HTR3C: variants seen among roughly 807,000 people sequenced by gnomAD.
HTR3C encodes the protein 5-hydroxytryptamine receptor 3C.
Under a neutral mutation model 40.5 loss-of-function variants are expected in HTR3C, and 32 were observed. That is an observed-to-expected ratio of 0.79 (90% CI 0.60 to 1.06). HTR3C has a LOEUF of 1.06. Among genes scored for constraint, HTR3C ranks in the 50% least tolerant of loss-of-function variants. The probability of loss-of-function intolerance (pLI) is 0.00; values close to 1 mark genes in which losing one functional copy is unlikely to be tolerated. For synonymous variants in HTR3C, 209 were observed against 217.1 expected (o/e 0.96, Z 0.33); for missense variants, 523 against 556.8 (o/e 0.94, Z 0.61).
At position 184,060,501 on chromosome 3, in the gene HTR3C, A is replaced by G. The variant is rs1723426574; in HGVS notation, c.*149A>G. ...CAAAGACTCCAACGCAGCACTAGCA[A>G]GCAGGTTCGGGACAGCCCTGGACGA... On this transcript the variant is annotated 3_prime_UTR_variant, in exon 9 of 9. Coordinates refer to ENST00000318351, the MANE Select transcript of HTR3C (RefSeq NM_130770.3). The G allele has an allele frequency of 2.0e-6, 2 of 1,015,414 alleles. No individual in the cohort carries two copies. The highest frequency in any genetic ancestry group is 2.0e-5 in the Admixed American group (1 of 48,806). The allele number at this position is 1,015,414 out of a possible 1,614,324, so 62.9% of individuals were successfully genotyped here.
At chr3:184,058,234 A>G (rs7638896) in intron 5 of HTR3C, among the ~76,000 whole-genome samples, 193 bp from the exon 6 acceptor site, 7,272 of 152,256 alleles carry the variant, frequency 0.048, 584 homozygotes, top group African/African-American at 0.16. Flanking sequence ...TTCAACAACA[A>G]AAGAAATTAA....
chr3:184,058,237 G>T (rs1723369146), intron 5 of HTR3C, among the ~76,000 whole-genome samples, 190 bp from the exon 6 acceptor site: 1 of 152,154 alleles, frequency 6.6e-6, no homozygotes. Flanking sequence ...AACAACAAAA[G>T]AAATTAATGC....
intron 4 of HTR3C, 83 bp downstream of exon 4, chr3:184,056,369 G>T: frequency 1.1e-6 from 1 of 870,670 alleles, no homozygotes; most frequent in Non-Finnish European, 1.9e-6. Context: ...TGGGGCCACC[G>T]AAAGATTCAG....
rs139495425 is a variant in HTR3C, at chr3:184,059,937, G to C, written c.1035G>C (p.Arg345Ser). The C allele has an allele frequency of 1.8e-5, 29 of 1,613,730 alleles. No homozygotes were observed. The East Asian group carries it at 2.7e-4, about 15-fold the overall frequency. ...CCACCCAGCCCCCACCCATGCCTAG[G>C]TGGCTTCACTCCCTGCTGCTCCACT... Reference protein sequence around the residue: ...VATTQPPPMPRWLHSLLLHCT... With the variant: ...VATTQPPPMPSWLHSLLLHCT... The change falls in exon 8 of 9, where the codon AGG becomes AGC. Residue 345 changes from arginine (R) to serine (S), a missense_variant. Arg to Ser is a moderately radical substitution (Grantham distance 110). Transcript: ENST00000318351.
intron 3 of HTR3C, 23 bp from the exon 4 acceptor site, chr3:184,056,154 T>TGTCC: frequency 6.7e-7 from 1 of 1,492,304 alleles, no homozygotes; most frequent in Admixed American, 1.7e-5. Context: ...CACTCACCTC[T>TGTCC]GTCCCTCACT....
chr3:184,059,692 G>T, intron 7 of HTR3C, 52 bp downstream of exon 7: 3 of 1,603,698 alleles, frequency 1.9e-6, no homozygotes, highest in Non-Finnish European at 2.6e-6. Context: ...GGCCAGGGAG[G>T]AGGGCCAGGA....
rs1394232956 is a variant in HTR3C, at chr3:184,059,628, AC to A, written c.919del (p.Leu307SerfsTer12). The part of the protein sequence containing the change: ...MMNDLLPASG[T>X]PLISVYFALC... ...GAATGACTTGCTCCCTGCCAGTGGC[AC>A]CCCCCTCATCAGTATGGCTCCTCCC... On this transcript the variant is annotated frameshift_variant, in exon 7 of 9. Coordinates refer to ENST00000318351, the MANE Select transcript of HTR3C (RefSeq NM_130770.3). LOFTEE classifies it high-confidence loss of function. The A allele has an allele frequency of 1.2e-6, 2 of 1,613,662 alleles. No homozygotes were observed. Among genetic ancestry groups the A allele is most frequent in the Non-Finnish European group, 1.7e-6 (2 of 1,179,922 alleles).
Position 184,056,969 on chromosome 3 carries a change from T to C in HTR3C, c.484T>C (p.Cys162Arg). The change falls in exon 5 of 9, where the codon TGT (cysteine) becomes CGT (arginine). Residue 162 changes from cysteine to arginine, a missense_variant. Cys to Arg is a radical substitution (Grantham distance 180, BLOSUM62 -3). Transcript: ENST00000318351. The stretch of plus-strand genomic sequence containing the variant: ...TAAGCCAATGAGGGTGACCAGCATC[T>C]GTAACCTGGACATCTTCTACTTCCC... ...YDKPMRVTSI[C>R]NLDIFYFPFD... 6.2e-7 allele frequency: 1 copy of C among 1,613,742 alleles called. No individual in the cohort carries two copies. The highest frequency in any genetic ancestry group is 8.5e-7 in the Non-Finnish European group (1 of 1,179,652).
At chr3:184,055,660 G>A (rs1324929143) in intron 3 of HTR3C, among the ~76,000 whole-genome samples, 2 of 151,718 alleles carry the variant, frequency 1.3e-5, no homozygotes, top group Non-Finnish European at 2.9e-5. Flanking sequence ...GTTGCAGAGA[G>A]CCAAGATTGT....
chr3:184,055,207 A>C, intron 2 of HTR3C, 105 bp from the exon 3 acceptor site: 1 of 830,128 alleles, frequency 1.2e-6, no homozygotes, highest in South Asian at 1.4e-5. Flanking sequence ...CAGCATCTAC[A>C]ACAATGCCTG....
At chr3:184,053,242 T>C (rs1390438947) in intron 1 of HTR3C, 95 bp downstream of exon 1, 1 of 870,574 alleles carries the variant, frequency 1.1e-6, no homozygotes, top group African/African-American at 1.7e-5. Context: ...AATTAATGTG[T>C]TAAATATTTC....
Position 184,060,445 on chromosome 3 carries a change from C to T in HTR3C, c.*93C>T. 1.4e-6 allele frequency: 2 copies of T among 1,463,498 alleles called. No homozygotes were observed. Among genetic ancestry groups the T allele is most frequent in the Non-Finnish European group, 1.9e-6 (2 of 1,048,830 alleles). The allele number at this position is 1,463,498 out of a possible 1,614,324, so 90.7% of individuals were successfully genotyped here. ...ATTTTCCTAATCTTAGCCACTTATC[C>T]CCAGTGACTACCATGTCCCCTTCTA... On this transcript the variant is annotated 3_prime_UTR_variant, in exon 9 of 9. Transcript: ENST00000318351.
rs915956601 is a variant in HTR3C at position 184,054,855 on chromosome 3, A to T, written c.202A>T (p.Ile68Phe). The change falls in exon 2 of 9, where the codon ATC (isoleucine) becomes TTC (phenylalanine). Residue 68 changes from isoleucine (I) to phenylalanine (F), a missense_variant. Physicochemically the swap from Ile to Phe is conservative, Grantham distance 21. Transcript: ENST00000318351. The part of the protein sequence containing the change: ...TNYSIPTRVN[I>F]SFTLSAILGV... ...CTACAGCATCCCTACCCGTGTCAAC[A>T]TCTCCTTCACCCTGTCTGCCATCCT... The T allele has an allele frequency of 5.0e-6, 8 of 1,611,876 alleles. No individual in the cohort carries two copies. In the African/African-American group the frequency reaches 1.1e-4, roughly 22 times the overall value.
In HTR3C at chr3:184,059,437, TG is replaced by T. The variant is rs1305959018; in HGVS notation, c.724del (p.Ala242ProfsTer11). 5 of 1,613,956 alleles carry T rather than the reference TG, an allele frequency of 3.1e-6. No individual in the cohort carries two copies. In the East Asian group the frequency reaches 8.9e-5, roughly 29 times the overall value. ...CCATCTTCTCCGGTCTCTCTCCAGG[TG>T]GCCATCAGGCGCAGGCCAAGCCTCT... is the stretch of plus-strand genomic sequence containing the variant. Reference protein sequence around the residue: ...NNLYDQIMFYVAIRRRPSLYI... With the variant: ...NNLYDQIMFYXAIRRRPSLYI... On this transcript the variant is annotated frameshift_variant and splice_region_variant, in exon 7 of 9. Transcript: ENST00000318351. LOFTEE classifies it high-confidence loss of function.
Position 184,054,732 on chromosome 3 carries a change from GC to G in HTR3C, c.80del (p.Ala27ValfsTer59). On this transcript the variant is annotated frameshift_variant, in exon 2 of 9. Coordinates refer to ENST00000318351, the MANE Select transcript of HTR3C (RefSeq NM_130770.3). LOFTEE classifies it high-confidence loss of function. ...VSLLLQGRGD[A>X]FTINCSGFDQ... ...TCTGCTCTCTATAGGAAGAGGCGACGCTTTTACCATCAATTGCTCAGGCTTT... is the reference window on the plus strand; with the variant it reads ...TCTGCTCTCTATAGGAAGAGGCGACGTTTTACCATCAATTGCTCAGGCTTT... 1 of 1,597,810 alleles carries G rather than the reference GC, an allele frequency of 6.3e-7. No homozygotes were observed. Among genetic ancestry groups the G allele is most frequent in the Non-Finnish European group, 8.5e-7 (1 of 1,173,308 alleles).
intron 3 of HTR3C, 133 bp from the exon 4 acceptor site, chr3:184,056,044 G>A: frequency 1.6e-6 from 1 of 626,460 alleles, no homozygotes; most frequent in Admixed American, 2.7e-5. Flanking sequence ...AAGAATGGGG[G>A]GATAGGCTGT....
rs777739675 is a variant in HTR3C, at chr3:184,060,489, G to C, written c.*137G>C. 2.7e-5 allele frequency: 30 copies of C among 1,107,712 alleles called. No homozygotes were observed. Among genetic ancestry groups the C allele is most frequent in the Non-Finnish European group, 3.9e-5 (29 of 752,164 alleles). The allele number at this position is 1,107,712 out of a possible 1,614,324, so 68.6% of individuals were successfully genotyped here. On this transcript the variant is annotated 3_prime_UTR_variant, in exon 9 of 9. Coordinates refer to ENST00000318351, the MANE Select transcript of HTR3C (RefSeq NM_130770.3). Reference sequence around the variant, plus strand: ...CCTTCTAAATTCCAAAGACTCCAACGCAGCACTAGCAAGCAGGTTCGGGAC... The same window carrying C: ...CCTTCTAAATTCCAAAGACTCCAACCCAGCACTAGCAAGCAGGTTCGGGAC...
At chr3:184,054,546 C>T (rs1407628383) in intron 1 of HTR3C, among the ~76,000 whole-genome samples, 175 bp from the exon 2 acceptor site, 1 of 152,140 alleles carries the variant, frequency 6.6e-6, no homozygotes, top group Non-Finnish European at 1.5e-5. Flanking sequence ...CATCCACTTC[C>T]ACCATTTGCC....
At chr3:184,055,008 C>T (rs555909064) in intron 2 of HTR3C, 121 bp downstream of exon 2, 54 of 994,818 alleles carry the variant, frequency 5.4e-5, no homozygotes, top group African/African-American at 5.0e-4. Context: ...ATGGATTTAA[C>T]GCAAGTTAGA....
Sources: gnomAD v4.1 joint callset for allele counts (sites outside exome capture counted in the v4.1 genomes callset) on GRCh38, gnomAD v4.1.1 for gene constraint, MANE v1.5 for transcripts, NCBI Gene and HGNC (gene_info 2026-07-23, HGNC 2026-07-21) for gene names.